The following PDE3A variants were observed in gnomAD, a reference collection of about 807,000 sequenced individuals.
The protein encoded by PDE3A is phosphodiesterase 3A, also known as cGMP-inhibited 3',5'-cyclic phosphodiesterase 3A.
In PDE3A, 43 loss-of-function variants were observed where a neutral mutation model predicts 98.3. The observed-to-expected ratio is 0.44, with a 90% confidence interval of 0.34 to 0.56. PDE3A has a LOEUF of 0.56. PDE3A is among the 20% of genes least tolerant of loss of function. The pLI is 0.01. For synonymous variants in PDE3A, 663 were observed against 567.9 expected (o/e 1.17, Z -2.38); for missense variants, 1,427 against 1,440.7 (o/e 0.99, Z 0.15).
In PDE3A at chr12:20,679,825, T is replaced by C. The variant is rs1168918968; in HGVS notation, c.3185-205T>C. 7.2e-5 allele frequency among the ~76,000 whole-genome samples: 10 copies of C among 139,406 alleles called. 1 individual carries two copies. The highest frequency in any genetic ancestry group is 7.1e-4 in the Admixed American group (10 of 13,996). The allele number at this position is 139,406 out of a possible 152,430, so 91.5% of individuals were successfully genotyped here. Reference sequence around the variant, plus strand: ...TAATGATTATTGCCATCTTCCTCTTTTTTCCCCATTCTCCAAAACTGCATT... The same window carrying C: ...TAATGATTATTGCCATCTTCCTCTTCTTTCCCCATTCTCCAAAACTGCATT... On this transcript the variant is annotated intron_variant, in intron 15 of 15. Coordinates refer to ENST00000359062, the MANE Select transcript of PDE3A (RefSeq NM_000921.5).
intron 6 of PDE3A, among the ~76,000 whole-genome samples, chr12:20,632,311 G>A (rs1944399133): frequency 6.6e-6 from 1 of 152,106 alleles, no homozygotes; most frequent in Admixed American, 6.6e-5. Context: ...TGCAGATACG[G>A]TCTACCTACC....
rs192759530 is a variant in PDE3A, at chr12:20,457,779, T to G, written c.960+87535T>G. ...ATTAAATGTGTCATAGTTGGTTTAT[T>G]GCAATGCTGTAAAAATTTTTTTAAA... is the stretch of plus-strand genomic sequence containing the variant. On this transcript the variant is annotated intron_variant, in intron 1 of 15. Coordinates refer to ENST00000359062, the MANE Select transcript of PDE3A (RefSeq NM_000921.5). 7.4e-4 allele frequency among the ~76,000 whole-genome samples: 110 copies of G among 148,542 alleles called. No individual in the cohort carries two copies. In the East Asian group the frequency reaches 0.017, roughly 23 times the overall value.
In PDE3A at chr12:20,658,573, G is replaced by C. The variant is rs531840050; in HGVS notation, c.3184+4368G>C. 3.9e-5 allele frequency among the ~76,000 whole-genome samples: 6 copies of C among 152,284 alleles called. No individual in the cohort carries two copies. The East Asian group carries it at 1.2e-3, about 29-fold the overall frequency. On this transcript the variant is annotated intron_variant, in intron 15 of 15. Coordinates refer to ENST00000359062, the MANE Select transcript of PDE3A (RefSeq NM_000921.5). ...GGTGGGAGAATTGTTCAATGCTGCT[G>C]TGAGCTAGTGAAAAAGTGCTGGAGG...
At chr12:20,405,577 C>A (rs996319294) in intron 1 of PDE3A, among the ~76,000 whole-genome samples, 1 of 152,008 alleles carries the variant, frequency 6.6e-6, no homozygotes, top group African/African-American at 2.4e-5. Context: ...CCATTGTTTT[C>A]TTTTTTGTTT....
At chr12:20,577,220 G>T (rs758058408) in intron 2 of PDE3A, among the ~76,000 whole-genome samples, 10 of 152,034 alleles carry the variant, frequency 6.6e-5, no homozygotes, top group Non-Finnish European at 1.3e-4. Flanking sequence ...AAACAGTGGT[G>T]CTTTGGGCAC....
At position 20,642,972 on chromosome 12, in the gene PDE3A, A is replaced by G. The variant is rs1027296507; in HGVS notation, c.2251+3015A>G. Among the ~76,000 whole-genome samples the G allele has an allele frequency of 5.9e-5, 9 of 152,338 alleles. No homozygotes were observed. In the East Asian group the frequency reaches 1.7e-3, roughly 29 times the overall value. On this transcript the variant is annotated intron_variant, in intron 10 of 15. Transcript: ENST00000359062. ...AATCTGTGAATTTACATACAACTCC[A>G]ACCCTCCATACCAGCTCACTTCAAC... is the stretch of plus-strand genomic sequence containing the variant.
chr12:20,509,993 G>T (rs996878968), intron 1 of PDE3A, among the ~76,000 whole-genome samples: 1 of 151,724 alleles, frequency 6.6e-6, no homozygotes, highest in Non-Finnish European at 1.5e-5. Context: ...AAATATTAAT[G>T]ATATTTATAT....
chr12:20,431,077 A>G (rs74065083), intron 1 of PDE3A, among the ~76,000 whole-genome samples: 3,129 of 152,090 alleles, frequency 0.021, 92 homozygotes, highest in African/African-American at 0.072. Flanking sequence ...AGTTTGTCTC[A>G]TTTGTGGGAA....
chr12:20,546,653 C>T (rs1223486638), intron 1 of PDE3A, among the ~76,000 whole-genome samples: 1 of 152,058 alleles, frequency 6.6e-6, no homozygotes, highest in Admixed American at 6.6e-5. Context: ...AAACCGTGTG[C>T]TCGTCAGAGT....
At chr12:20,568,983 A>G (rs900917440) in intron 2 of PDE3A, among the ~76,000 whole-genome samples, 13 of 152,032 alleles carry the variant, frequency 8.6e-5, no homozygotes, top group Non-Finnish European at 1.6e-4. Context: ...CTATTTTAAT[A>G]CCACCTGGAA....
chr12:20,443,249 G>A (rs1944899480), intron 1 of PDE3A, among the ~76,000 whole-genome samples: 1 of 152,098 alleles, frequency 6.6e-6, no homozygotes, highest in Non-Finnish European at 1.5e-5. Flanking sequence ...TAAATGTTTA[G>A]TGAGAGGAAA....
At chr12:20,593,840 G>A (rs1943400235) in intron 2 of PDE3A, among the ~76,000 whole-genome samples, 1 of 152,102 alleles carries the variant, frequency 6.6e-6, no homozygotes, top group Non-Finnish European at 1.5e-5. Context: ...AGCGGGTACT[G>A]TATTCATTAT....
In PDE3A at chr12:20,434,170, C is replaced by CTT. The variant is rs58536656; in HGVS notation, c.960+63936_960+63937dup. On this transcript the variant is annotated intron_variant, in intron 1 of 15. Transcript: ENST00000359062. The stretch of plus-strand genomic sequence containing the variant: ...ATCAAGGCTTTACTATTGAAGGTGA[C>CTT]TTTTTTTTTTTCCTGCGTTTCAGCT... Among the ~76,000 whole-genome samples, 20 of 147,656 alleles carry CTT rather than the reference C, an allele frequency of 1.4e-4. No homozygotes were observed. The South Asian group carries it at 1.5e-3, about 11-fold the overall frequency.
intron 15 of PDE3A, among the ~76,000 whole-genome samples, chr12:20,679,469 A>C (rs145743838): frequency 5.3e-5 from 8 of 152,222 alleles, no homozygotes; most frequent in Middle Eastern, 3.4e-3. Flanking sequence ...GGATGGTCTC[A>C]ATCTCCTGAG....
chr12:20,669,301 C>T (rs369890080), intron 15 of PDE3A, among the ~76,000 whole-genome samples: 2 of 152,056 alleles, frequency 1.3e-5, no homozygotes, highest in Non-Finnish European at 1.5e-5. Flanking sequence ...GAGAACTTCC[C>T]CAATCTAGCA....
Position 20,373,355 on chromosome 12 carries a change from T to C in PDE3A, c.960+3111T>C, listed in dbSNP as rs945681180. ...ATATGTCTCTCTCAAAGTACCACTGTGCCCTCGGCCCGAAACATGGGAATA... is the reference window on the plus strand; with the variant it reads ...ATATGTCTCTCTCAAAGTACCACTGCGCCCTCGGCCCGAAACATGGGAATA... On this transcript the variant is annotated intron_variant, in intron 1 of 15. Coordinates refer to ENST00000359062, the MANE Select transcript of PDE3A (RefSeq NM_000921.5). Among the ~76,000 whole-genome samples the C allele has an allele frequency of 3.9e-5, 6 of 152,246 alleles. No homozygotes were observed. In the East Asian group the frequency reaches 9.7e-4, roughly 25 times the overall value.
chr12:20,551,549 C>G, intron 1 of PDE3A: 1 of 1,388,968 alleles, frequency 7.2e-7, no homozygotes, highest in African/African-American at 1.5e-5. Flanking sequence ...GGCATGCTAA[C>G]TAGTTACGCG....
At chr12:20,512,054 A>C (rs187523225) in intron 1 of PDE3A, among the ~76,000 whole-genome samples, 307 of 152,256 alleles carry the variant, frequency 2.0e-3, no homozygotes, top group South Asian at 3.9e-3. Flanking sequence ...ATTGTCAGTC[A>C]GGAGGAACCT....
chr12:20,482,992 A>G (rs760156582), intron 1 of PDE3A, among the ~76,000 whole-genome samples: 6 of 152,154 alleles, frequency 3.9e-5, no homozygotes, highest in Non-Finnish European at 7.4e-5. Flanking sequence ...TTAAAACATA[A>G]AAGTTGTATT....
Sources: gnomAD v4.1 joint callset for allele counts (sites outside exome capture counted in the v4.1 genomes callset) on GRCh38, gnomAD v4.1.1 for gene constraint, MANE v1.5 for transcripts, NCBI Gene and HGNC (gene_info 2026-07-23, HGNC 2026-07-21) for gene names.